Variants in CEP112 observed in about 807,000 individuals in gnomAD.
CEP112 encodes the protein centrosomal protein of 112 kDa.
Under a neutral mutation model 153.0 loss-of-function variants are expected in CEP112, and 127 were observed. The observed-to-expected ratio is 0.83, with a 90% confidence interval of 0.72 to 0.96. The LOEUF is 0.96. Among genes scored for constraint, CEP112 ranks in the 40% least tolerant of loss-of-function variants. The probability of loss-of-function intolerance (pLI) is 0.00; values close to 1 mark genes in which losing one functional copy is unlikely to be tolerated. For synonymous variants in CEP112, 358 were observed against 374.4 expected, an observed-to-expected ratio of 0.96 and a Z score of 0.51; for missense variants, 1,089 against 1,101.2, an observed-to-expected ratio of 0.99 and a Z score of 0.16.
chr17:65,970,602 T>C (rs1404376034), intron 17 of CEP112, among the ~76,000 whole-genome samples: 2 of 152,048 alleles, frequency 1.3e-5, no homozygotes, highest in East Asian at 3.9e-4. Flanking sequence ...ATATTACCTG[T>C]ATATTGCAGG....
At chr17:65,911,836 C>T (rs2060296111) in intron 19 of CEP112, among the ~76,000 whole-genome samples, 1 of 152,164 alleles carries the variant, frequency 6.6e-6, no homozygotes, top group Non-Finnish European at 1.5e-5. Context: ...ATTTATCAAT[C>T]TCTCATAGAA....
intron 17 of CEP112, among the ~76,000 whole-genome samples, chr17:65,976,737 T>TTTC (rs2063048552): frequency 7.4e-6 from 1 of 135,952 alleles, no homozygotes; most frequent in Non-Finnish European, 1.5e-5. Flanking sequence ...AACTTTTTCT[T>TTTC]TTTTTTTTTT....
intron 16 of CEP112, among the ~76,000 whole-genome samples, chr17:66,022,155 A>G (rs1190695586): frequency 1.3e-5 from 2 of 152,176 alleles, no homozygotes; most frequent in African/African-American, 4.8e-5. Context: ...AAGTCTATTT[A>G]TAACCAAGGA....
chr17:66,076,182 T>G (rs1248247403), intron 8 of CEP112, among the ~76,000 whole-genome samples: 2 of 152,024 alleles, frequency 1.3e-5, no homozygotes, highest in African/African-American at 4.8e-5. Flanking sequence ...TGTAACAATT[T>G]GAACTGGGCG....
intron 21 of CEP112, among the ~76,000 whole-genome samples, chr17:65,845,652 C>A (rs2057701529): frequency 6.6e-6 from 1 of 152,052 alleles, no homozygotes; most frequent in Non-Finnish European, 1.5e-5. Flanking sequence ...AACCATTGTC[C>A]AATTTAGATA....
At chr17:66,134,140 A>G (rs990714121) in intron 4 of CEP112, among the ~76,000 whole-genome samples, 1 of 152,210 alleles carries the variant, frequency 6.6e-6, no homozygotes, top group Non-Finnish European at 1.5e-5. Context: ...ATAATCATAA[A>G]AAGATCTATA....
chr17:66,173,081 A>G (rs1210535281), intron 4 of CEP112, among the ~76,000 whole-genome samples: 1 of 152,182 alleles, frequency 6.6e-6, no homozygotes, highest in African/African-American at 2.4e-5. Flanking sequence ...AAATCACATG[A>G]TCCCTCTTTT....
At chr17:65,863,071 G>T (rs1468624666) in intron 20 of CEP112, among the ~76,000 whole-genome samples, 1 of 151,936 alleles carries the variant, frequency 6.6e-6, no homozygotes, top group Non-Finnish European at 1.5e-5. Context: ...CCAAATTTAT[G>T]ATTTTAAATC....
At chr17:66,081,148 A>G (rs2067701861) in intron 8 of CEP112, among the ~76,000 whole-genome samples, 1 of 152,204 alleles carries the variant, frequency 6.6e-6, no homozygotes, top group South Asian at 2.1e-4. Flanking sequence ...GTATCCCAGA[A>G]CTTAAAGTAT....
chr17:65,903,005 G>A (rs1349949293), intron 19 of CEP112: 5 of 136,864 alleles, frequency 3.7e-5, no homozygotes, highest in East Asian at 2.2e-4. Flanking sequence ...GCCTCTCCCC[G>A]CTAGACTGAA....
chr17:65,741,630 T>C (rs1481936791), intron 23 of CEP112, among the ~76,000 whole-genome samples: 2 of 151,796 alleles, frequency 1.3e-5, no homozygotes, highest in African/African-American at 2.4e-5. Context: ...CAAGAAACAA[T>C]ACCAGAACTA....
intron 20 of CEP112, among the ~76,000 whole-genome samples, chr17:65,890,286 C>G (rs1489778633): frequency 6.6e-6 from 1 of 152,212 alleles, no homozygotes; most frequent in Non-Finnish European, 1.5e-5. Context: ...CTGGAGATCA[C>G]TGGCCAAGCG....
chr17:66,066,866 T>C lies in CEP112; in HGVS notation c.867A>G (p.Arg289=). 6.5e-7 allele frequency: 1 copy of C among 1,535,154 alleles called. No homozygotes were observed. The highest frequency in any genetic ancestry group is 2.2e-5 in the Admixed American group (1 of 46,396). Residue 289 remains arginine, a synonymous_variant, in exon 10 of 27, where the codon AGA becomes AGG. Transcript: ENST00000535342. The part of the protein sequence containing the change: ...HDADVQKILE[R]KNNEIEELKT... Reference sequence around the variant, plus strand: ...TCAGTTCTTCTATTTCATTATTCTTTCTTTCTAAAATCTGCAAATAAATTT... The same window carrying C: ...TCAGTTCTTCTATTTCATTATTCTTCCTTTCTAAAATCTGCAAATAAATTT...
chr17:65,717,597 T>C (rs1421899081), intron 23 of CEP112, among the ~76,000 whole-genome samples: 3 of 152,196 alleles, frequency 2.0e-5, no homozygotes, highest in Non-Finnish European at 4.4e-5. Flanking sequence ...GAACACGAAG[T>C]TCAGTGTCCA....
rs1264037538 is a variant in CEP112 at position 65,913,700 on chromosome 17, T to C, written c.1981-11366A>G. The C allele has an allele frequency of 3.0e-6, 3 of 985,370 alleles. No homozygotes were observed. The African/African-American group carries it at 5.2e-5, about 17-fold the overall frequency. The allele number at this position is 985,370 out of a possible 1,614,324, so 61.0% of individuals were successfully genotyped here. ...AGGGCCTGCCAGCATACACTGCTTC[T>C]TTATTCCTTTTCCTCTCCAGCCAAC... On this transcript the variant is annotated intron_variant, in intron 19 of 26. Coordinates refer to ENST00000535342, the MANE Select transcript of CEP112 (RefSeq NM_001199165.4).
intron 17 of CEP112, among the ~76,000 whole-genome samples, chr17:65,995,995 C>G (rs530071502): frequency 6.6e-6 from 1 of 152,132 alleles, no homozygotes; most frequent in Non-Finnish European, 1.5e-5. Context: ...TCCATTAAAC[C>G]TCTTTTTCTT....
intron 20 of CEP112, among the ~76,000 whole-genome samples, chr17:65,872,560 C>T (rs952313463): frequency 1.3e-5 from 2 of 152,052 alleles, no homozygotes; most frequent in African/African-American, 4.8e-5. Flanking sequence ...GCTACAGACA[C>T]AATGATCCTA....
intron 24 of CEP112, chr17:65,654,865 G>T: frequency 2.1e-6 from 1 of 472,302 alleles, no homozygotes; most frequent in South Asian, 1.7e-5. Context: ...TTCTGAATAA[G>T]ATTGAGGTTG....
intron 19 of CEP112, among the ~76,000 whole-genome samples, chr17:65,925,225 GC>G (rs1360332350): frequency 3.3e-5 from 5 of 152,184 alleles, no homozygotes; most frequent in African/African-American, 1.2e-4. Flanking sequence ...AAGCTCTCTT[GC>G]CTGCCACCAC....
Sources: gnomAD v4.1 joint callset for allele counts (sites outside exome capture counted in the v4.1 genomes callset) on GRCh38, gnomAD v4.1.1 for gene constraint, MANE v1.5 for transcripts, NCBI Gene and HGNC (gene_info 2026-07-23, HGNC 2026-07-21) for gene names.